The following ASB18 variants were observed in gnomAD, a reference collection of about 807,000 sequenced individuals.
The protein encoded by ASB18 is ankyrin repeat and SOCS box containing 18.
A neutral mutation model predicts 33.4 loss-of-function variants in ASB18; 33 were observed. That is an observed-to-expected ratio of 0.99 (90% CI 0.75 to 1.32). The LOEUF is 1.32. Ranked by LOEUF, ASB18 falls within the 40% of genes most tolerant of loss-of-function variation. The pLI is 0.00. For synonymous variants in ASB18, 295 were observed against 307.6 expected, an observed-to-expected ratio of 0.96 and a Z score of 0.43; for missense variants, 694 against 655.5, an observed-to-expected ratio of 1.06 and a Z score of -0.64.
In ASB18 at chr2:236,203,146, T is replaced by C. The variant is rs1015703190; in HGVS notation, c.1102-6761A>G. 6.6e-6 allele frequency among the ~76,000 whole-genome samples: 1 copy of C among 152,140 alleles called. No individual in the cohort carries two copies. Among genetic ancestry groups the C allele is most frequent in the African/African-American group, 2.4e-5 (1 of 41,416 alleles). Reference sequence around the variant, plus strand: ...CTCCTACTAGAAAGCAGGGATTGTGTTATGTCTGCATGTTATGATGGCCAG... The same window carrying C: ...CTCCTACTAGAAAGCAGGGATTGTGCTATGTCTGCATGTTATGATGGCCAG... On this transcript the variant is annotated intron_variant, in intron 4 of 5. Transcript: ENST00000409749. The surrounding 1 kb of genome is among the most constrained non-coding windows in gnomAD (Gnocchi z 6.0).
Position 236,237,613 on chromosome 2 carries a change from G to T in ASB18, c.596+76C>A. 8.2e-7 allele frequency: 1 copy of T among 1,216,474 alleles called. No individual in the cohort carries two copies. The highest frequency in any genetic ancestry group is 1.1e-6 in the Non-Finnish European group (1 of 946,686). The allele number at this position is 1,216,474 out of a possible 1,614,324, so 75.4% of individuals were successfully genotyped here. The stretch of plus-strand genomic sequence containing the variant: ...CTGGGACGGAGGCGGAGGCGGGGTC[G>T]GCGGTCTCGTGGGGGGAGGCGGGCG... On this transcript the variant is annotated intron_variant, in intron 3 of 5. Transcript: ENST00000409749. The surrounding 1 kb of genome is among the most constrained non-coding windows in gnomAD (Gnocchi z 6.2).
At chr2:236,227,962 G>A (rs1004919228) in intron 3 of ASB18, among the ~76,000 whole-genome samples, 4 of 152,360 alleles carry the variant, frequency 2.6e-5, no homozygotes, top group African/African-American at 9.6e-5. Context: ...CCCTTACAGG[G>A]TTCAATAACT....
At chr2:236,206,721 A>G (rs2060435988) in intron 4 of ASB18, among the ~76,000 whole-genome samples, 1 of 152,250 alleles carries the variant, frequency 6.6e-6, no homozygotes, top group Non-Finnish European at 1.5e-5. Flanking sequence ...ACCAGAAACA[A>G]CTTTACACAT....
At chr2:236,261,761 T>A (rs986309871) in intron 1 of ASB18, among the ~76,000 whole-genome samples, 2 of 152,174 alleles carry the variant, frequency 1.3e-5, no homozygotes, top group Non-Finnish European at 2.9e-5. Context: ...GACTCACAGT[T>A]CCACGTGGCT....
In ASB18 at chr2:236,200,517, C is replaced by G. The variant is rs1174305707; in HGVS notation, c.1102-4132G>C. Among the ~76,000 whole-genome samples, 1 of 152,216 alleles carries G rather than the reference C, an allele frequency of 6.6e-6. No homozygotes were observed. Among genetic ancestry groups the G allele is most frequent in the Non-Finnish European group, 1.5e-5 (1 of 68,044 alleles). On this transcript the variant is annotated intron_variant, in intron 4 of 5. Coordinates refer to ENST00000409749, the MANE Select transcript of ASB18 (RefSeq NM_212556.4). This position sits in a 1 kb window ranked among gnomAD's most constrained non-coding sequence, Gnocchi z 4.2. ...TGGGCTGAAGGGCCAGTCAGGTGAG[C>G]TGTCGTAGCAGAAGCAGCAGTCCTC...
rs2060725273 is a variant in ASB18, at chr2:236,262,758, GGGCCTATGGAC to G, written c.205+1372_205+1382del. Among the ~76,000 whole-genome samples, 1 of 152,140 alleles carries G rather than the reference GGGCCTATGGAC, an allele frequency of 6.6e-6. No homozygotes were observed. The highest frequency in any genetic ancestry group is 1.9e-4 in the East Asian group (1 of 5,160). On this transcript the variant is annotated intron_variant, in intron 1 of 5. Coordinates refer to ENST00000409749, the MANE Select transcript of ASB18 (RefSeq NM_212556.4). The surrounding 1 kb of genome is among the most constrained non-coding windows in gnomAD (Gnocchi z 5.2). ...TACCAAGTTTGGGATCATGGCTCCT[GGGCCTATGGAC>G]CCCCGCCAGATATTAGGAAAACCAA...
rs1016744496 is a variant in ASB18, at chr2:236,222,055, G to T, written c.597-7189C>A. On this transcript the variant is annotated intron_variant, in intron 3 of 5. Coordinates refer to ENST00000409749, the MANE Select transcript of ASB18 (RefSeq NM_212556.4). The surrounding 1 kb of genome is among the most constrained non-coding windows in gnomAD (Gnocchi z 5.5). Reference sequence around the variant, plus strand: ...TTTTCTAACGAAGCTGCTGCAGGAAGGTTTCCTCCTGTGGCTCTATGCCCC... The same window carrying T: ...TTTTCTAACGAAGCTGCTGCAGGAATGTTTCCTCCTGTGGCTCTATGCCCC... Among the ~76,000 whole-genome samples the T allele has an allele frequency of 6.6e-6, 1 of 152,140 alleles. No homozygotes were observed. Among genetic ancestry groups the T allele is most frequent in the Non-Finnish European group, 1.5e-5 (1 of 68,020 alleles).
rs991651959 is a variant in ASB18 at position 236,256,806 on chromosome 2, A to G, written c.205+7335T>C. ...CCCTGTAGGATTTTTTTTCTTGTCC[A>G]TATGCCTTTGAAGCCGGACCATTAG... On this transcript the variant is annotated intron_variant, in intron 1 of 5. Transcript: ENST00000409749. The surrounding 1 kb of genome is among the most constrained non-coding windows in gnomAD (Gnocchi z 4.7). 5.9e-5 allele frequency among the ~76,000 whole-genome samples: 9 copies of G among 152,194 alleles called. No individual in the cohort carries two copies. The highest frequency in any genetic ancestry group is 1.7e-4 in the African/African-American group (7 of 41,516).
In ASB18 at chr2:236,221,255, G is replaced by A. The variant is rs2060511471; in HGVS notation, c.597-6389C>T. On this transcript the variant is annotated intron_variant, in intron 3 of 5. Transcript: ENST00000409749. The surrounding 1 kb of genome is among the most constrained non-coding windows in gnomAD (Gnocchi z 5.6). ...ACAACAACAACAACAACAAACAGCT[G>A]CTAAAAATAAGGCTGCATTCAAGAC... is the stretch of plus-strand genomic sequence containing the variant. Among the ~76,000 whole-genome samples the A allele has an allele frequency of 6.7e-6, 1 of 148,848 alleles. No individual in the cohort carries two copies. Among genetic ancestry groups the A allele is most frequent in the Non-Finnish European group, 1.5e-5 (1 of 67,982 alleles).
rs12475284 is a variant in ASB18, at chr2:236,209,943, A to G, written c.1101+4419T>C. The stretch of plus-strand genomic sequence containing the variant: ...TAGAATGTTTGTCCCCCGCTTCACA[A>G]AGATAAGCCTTCAGCCTTCAGATCT... On this transcript the variant is annotated intron_variant, in intron 4 of 5. Transcript: ENST00000409749. The surrounding 1 kb of genome is among the most constrained non-coding windows in gnomAD (Gnocchi z 4.4). Among the ~76,000 whole-genome samples the G allele has an allele frequency of 6.6e-6, 1 of 152,044 alleles. No individual in the cohort carries two copies. The highest frequency in any genetic ancestry group is 2.4e-5 in the African/African-American group (1 of 41,386).
At chr2:236,247,723 A>T (rs904093627) in intron 1 of ASB18, 3 of 152,252 alleles carry the variant, frequency 2.0e-5, no homozygotes, top group Non-Finnish European at 4.4e-5. Flanking sequence ...TACGTATCCA[A>T]TGCAACTTCT....
chr2:236,230,641 G>T (rs993611360), intron 3 of ASB18, among the ~76,000 whole-genome samples: 1 of 151,462 alleles, frequency 6.6e-6, no homozygotes, highest in Non-Finnish European at 1.5e-5. Context: ...ACATGAAGTA[G>T]AATAGTATTA....
At position 236,220,600 on chromosome 2, in the gene ASB18, A is replaced by C. The variant is rs1057172319; in HGVS notation, c.597-5734T>G. The stretch of plus-strand genomic sequence containing the variant: ...CTATTTATCTTTAGTCCCTGAAACA[A>C]CTTTGCATTGTAGGTGGAATTTACA... On this transcript the variant is annotated intron_variant, in intron 3 of 5. Coordinates refer to ENST00000409749, the MANE Select transcript of ASB18 (RefSeq NM_212556.4). This position sits in a 1 kb window ranked among gnomAD's most constrained non-coding sequence, Gnocchi z 5.1. Among the ~76,000 whole-genome samples, 1 of 150,760 alleles carries C rather than the reference A, an allele frequency of 6.6e-6. No homozygotes were observed. Among genetic ancestry groups the C allele is most frequent in the East Asian group, 1.9e-4 (1 of 5,156 alleles).
chr2:236,214,232 A>T lies in ASB18; in HGVS notation c.1101+130T>A. On this transcript the variant is annotated intron_variant, in intron 4 of 5. Transcript: ENST00000409749. The surrounding 1 kb of genome is among the most constrained non-coding windows in gnomAD (Gnocchi z 6.5). ...CCCAGACCGGCAGAGCAGATTCTGC[A>T]TTTTCACAAGTCCCCAGGGGTGCCT... 1.0e-6 allele frequency: 1 copy of T among 983,700 alleles called. No homozygotes were observed. Among genetic ancestry groups the T allele is most frequent in the Non-Finnish European group, 1.4e-6 (1 of 697,606 alleles). The allele number at this position is 983,700 out of a possible 1,614,324, so 60.9% of individuals were successfully genotyped here. A position where few individuals can be genotyped will look rare whatever the true frequency, so the allele number is the denominator to read the frequency against.
rs920717333 is a variant in ASB18 at position 236,255,763 on chromosome 2, G to A, written c.205+8378C>T. ...AGAATGTGTAGCCTCAAACAATATC[G>A]TCCCAATCTCTTTGCCTGGGGCTTC... On this transcript the variant is annotated intron_variant, in intron 1 of 5. Transcript: ENST00000409749. This position sits in a 1 kb window ranked among gnomAD's most constrained non-coding sequence, Gnocchi z 4.4. Among the ~76,000 whole-genome samples, 10 of 152,016 alleles carry A rather than the reference G, an allele frequency of 6.6e-5. No individual in the cohort carries two copies. The highest frequency in any genetic ancestry group is 1.0e-4 in the Non-Finnish European group (7 of 68,026).
At position 236,237,704 on chromosome 2, in the gene ASB18, G is replaced by A; in HGVS notation, c.581C>T (p.Thr194Met). The change falls in exon 3 of 6, where the codon ACG becomes ATG. Residue 194 changes from threonine to methionine, a missense_variant. Coordinates refer to ENST00000409749, the MANE Select transcript of ASB18 (RefSeq NM_212556.4). This position sits in a 1 kb window ranked among gnomAD's most constrained non-coding sequence, Gnocchi z 6.2. ...AGGTCCTTACCCGAGCGAGGCGGCC[G>A]TGCGGCAGAGGTGCAGAGGCGCCAG... ...EGLAPLHLCR[T>M]AASLGCAQAL... 6.9e-7 allele frequency: 1 copy of A among 1,455,126 alleles called. No individual in the cohort carries two copies. Among genetic ancestry groups the A allele is most frequent in the Non-Finnish European group, 9.0e-7 (1 of 1,109,736 alleles). 90.1% of individuals were successfully genotyped at this position (1,455,126 alleles called of 1,614,324 possible).
At chr2:236,206,242 TAGTG>T (rs2060432291) in intron 4 of ASB18, among the ~76,000 whole-genome samples, 1 of 152,036 alleles carries the variant, frequency 6.6e-6, no homozygotes, top group African/African-American at 2.4e-5. Context: ...TATTTCATTA[TAGTG>T]AACACTGAGG....
At position 236,236,898 on chromosome 2, in the gene ASB18, TAACAG is replaced by T. The variant is rs568858206; in HGVS notation, c.596+786_596+790del. 4.0e-3 allele frequency among the ~76,000 whole-genome samples: 606 copies of T among 152,188 alleles called. 1 individual carries two copies. The highest frequency in any genetic ancestry group is 6.8e-3 in the Middle Eastern group (2 of 294). ...AGGGCAGGGGCTGGAGCATTTTGAC[TAACAG>T]AAAAGTCAGGATGACACAATGCAAG... On this transcript the variant is annotated intron_variant, in intron 3 of 5. Coordinates refer to ENST00000409749, the MANE Select transcript of ASB18 (RefSeq NM_212556.4).
rs2106275089 is a variant in ASB18, at chr2:236,229,055, C to A, written c.596+8634G>T. On this transcript the variant is annotated intron_variant, in intron 3 of 5. Coordinates refer to ENST00000409749, the MANE Select transcript of ASB18 (RefSeq NM_212556.4). This position sits in a 1 kb window ranked among gnomAD's most constrained non-coding sequence, Gnocchi z 5.2. The stretch of plus-strand genomic sequence containing the variant: ...ACTAGGAGTTTGAGACCATCCTGGG[C>A]AGCAAAACAAGACCCCAACTCTACA... 6.6e-6 allele frequency among the ~76,000 whole-genome samples: 1 copy of A among 152,220 alleles called. No individual in the cohort carries two copies. Among genetic ancestry groups the A allele is most frequent in the African/African-American group, 2.4e-5 (1 of 41,544 alleles).
Sources: gnomAD v4.1 joint callset for allele counts (sites outside exome capture counted in the v4.1 genomes callset) on GRCh38, gnomAD v4.1.1 for gene constraint, Gnocchi (gnomAD v3.1) non-coding constraint, MANE v1.5 for transcripts, NCBI Gene and HGNC (gene_info 2026-07-23, HGNC 2026-07-21) for gene names.